AFF1: variants seen among roughly 807,000 people sequenced by gnomAD.
The protein encoded by AFF1 is AF4/FMR2 family member 1.
AFF1 carries 48 observed loss-of-function variants against 121.7 expected under a neutral mutation model. The observed-to-expected ratio is 0.39, with a 90% CI of 0.31 to 0.50. The LOEUF is 0.50. Among genes scored for constraint, AFF1 ranks in the 20% least tolerant of loss-of-function variants. AFF1 has a pLI of 0.76. For synonymous variants in AFF1, 613 were observed against 563.0 expected (o/e 1.09, Z -1.26); for missense variants, 1,523 against 1,511.7 (o/e 1.01, Z -0.12).
Position 87,114,961 on chromosome 4 carries a change from C to T in AFF1, c.2128C>T (p.Leu710Phe), listed in dbSNP as rs775118404. ...GGACAGGACCCCTGAGCACTTTGCT[C>T]TTGTTCCCCTGACTGAGAGCCAGGG... ...VEDRTPEHFA[L>F]VPLTESQGPP... is the part of the protein sequence containing the mutation. The change falls in exon 12 of 21, where the codon CTT (leucine) becomes TTT (phenylalanine). Residue 710 changes from leucine (L) to phenylalanine (F), a missense_variant. Leu to Phe is a conservative substitution (Grantham distance 22). Coordinates refer to ENST00000395146, the MANE Select transcript of AFF1 (RefSeq NM_001166693.3). The T allele has an allele frequency of 1.2e-6, 2 of 1,613,268 alleles. No individual in the cohort carries two copies. Among genetic ancestry groups the T allele is most frequent in the Admixed American group, 3.3e-5 (2 of 59,928 alleles).
chr4:87,046,324 TCA>T (rs1341337671), intron 3 of AFF1, 38 bp downstream of exon 3: 1 of 1,602,610 alleles, frequency 6.2e-7, no homozygotes, highest in African/African-American at 1.4e-5. Context: ...TCCTGATTTA[TCA>T]CAATGTTGAA....
chr4:86,991,834 C>CTTTTTTTTTTTTTTTTTTTTTTT (rs34804329), intron 2 of AFF1, among the ~76,000 whole-genome samples: 1 of 113,708 alleles, frequency 8.8e-6, no homozygotes, highest in Non-Finnish European at 1.9e-5. Context: ...CTTCAAATTG[C>CTTTTTTTTTTTTTTTTTTTTTTT]TTTTTTTTTT....
rs1728321164 is a variant in AFF1, at chr4:87,127,077, G to C, written c.2863G>C (p.Gly955Arg). The change falls in exon 15 of 21, where the codon GGT becomes CGT. Residue 955 changes from glycine (G) to arginine (R), a missense_variant. Physicochemically the swap from Gly to Arg is moderately radical, Grantham distance 125 (BLOSUM62 -2). Transcript: ENST00000395146. The stretch of plus-strand genomic sequence containing the variant: ...TTTTCCAGTGCCTTCTTTGCCAAAT[G>C]GTAACTCTAAACCAGGGAAGCCTCA... Reference protein sequence around the residue: ...NPFPVPSLPNGNSKPGKPQVK... With the variant: ...NPFPVPSLPNRNSKPGKPQVK... 3.1e-6 allele frequency: 5 copies of C among 1,613,320 alleles called. No individual in the cohort carries two copies. Among genetic ancestry groups the C allele is most frequent in the Non-Finnish European group, 1.7e-6 (2 of 1,179,784 alleles).
In AFF1 at chr4:87,135,650, C is replaced by A. The variant is rs995918420; in HGVS notation, c.3606C>A (p.His1202Gln). The A allele has an allele frequency of 6.2e-7, 1 of 1,612,924 alleles. No individual in the cohort carries two copies. The highest frequency in any genetic ancestry group is 8.5e-7 in the Non-Finnish European group (1 of 1,179,450). Residue 1202 changes from histidine (H) to glutamine (Q), a missense_variant, in exon 21 of 21, where the codon CAC (histidine) becomes CAA (glutamine). Physicochemically the swap from His to Gln is conservative, Grantham distance 24. Around this residue, in one of 5 missense-constraint regions of AFF1, gnomAD observed 241 missense variants for 265.2 expected, o/e 0.91. Transcript: ENST00000395146. ...ACAGCAGTTTGGTGGACCTGGTGCA[C>A]TATACACGACAGGGTTTTCAGCAGC... is the stretch of plus-strand genomic sequence containing the variant. ...ALNSSLVDLVHYTRQGFQQLQ... is the reference protein window; with the variant it reads ...ALNSSLVDLVQYTRQGFQQLQ...
At chr4:87,024,423 GAAGT>G (rs981288098) in intron 2 of AFF1, among the ~76,000 whole-genome samples, 1 of 152,174 alleles carries the variant, frequency 6.6e-6, no homozygotes, top group Non-Finnish European at 1.5e-5. Flanking sequence ...TAGCCTCTGG[GAAGT>G]AAGTGCCTTT....
At chr4:86,995,209 G>A (rs1399970090) in intron 2 of AFF1, among the ~76,000 whole-genome samples, 1 of 151,760 alleles carries the variant, frequency 6.6e-6, no homozygotes, top group Non-Finnish European at 1.5e-5. Context: ...CTTCAGCCTG[G>A]GCAACAGAAT....
chr4:86,956,268 T>A (rs1248309785), intron 2 of AFF1, among the ~76,000 whole-genome samples: 2 of 152,232 alleles, frequency 1.3e-5, no homozygotes, highest in Non-Finnish European at 2.9e-5. Flanking sequence ...TAGTTTAAGA[T>A]GAGTCACTCA....
intron 8 of AFF1, 60 bp downstream of exon 8, chr4:87,095,029 T>C: frequency 6.8e-7 from 1 of 1,469,248 alleles, no homozygotes; most frequent in African/African-American, 1.4e-5. Flanking sequence ...ATGTCTCATG[T>C]CAATGCATTG....
At chr4:86,939,704 T>C (rs188742333) in intron 1 of AFF1, among the ~76,000 whole-genome samples, 1 of 152,354 alleles carries the variant, frequency 6.6e-6, no homozygotes, top group East Asian at 1.9e-4. Flanking sequence ...TTCCTTCTTA[T>C]AGATACAGTG....
At chr4:87,126,939 T>G in intron 14 of AFF1, 87 bp from the exon 15 acceptor site, 1 of 1,130,554 alleles carries the variant, frequency 8.8e-7, no homozygotes, top group South Asian at 1.3e-5. Flanking sequence ...GAAACTACTA[T>G]TTCGGGCTAT....
At chr4:87,015,297 AGT>A (rs980800884) in intron 2 of AFF1, among the ~76,000 whole-genome samples, 2 of 152,198 alleles carry the variant, frequency 1.3e-5, no homozygotes, top group African/African-American at 2.4e-5. Context: ...CATTTAAAAA[AGT>A]GTGTAAAAAA....
intron 2 of AFF1, among the ~76,000 whole-genome samples, chr4:87,034,101 C>CG: frequency 6.6e-6 from 1 of 152,172 alleles, no homozygotes; most frequent in African/African-American, 2.4e-5. Flanking sequence ...CCTCTGGTGG[C>CG]GGGGACTGGC....
chr4:87,123,140 C>A (rs971311044), intron 12 of AFF1, among the ~76,000 whole-genome samples: 3 of 152,162 alleles, frequency 2.0e-5, no homozygotes, highest in Admixed American at 2.0e-4. Flanking sequence ...GTCATCCATC[C>A]ACCTTGGCCT....
At chr4:86,999,057 C>G (rs553694243) in intron 2 of AFF1, among the ~76,000 whole-genome samples, 9 of 152,332 alleles carry the variant, frequency 5.9e-5, no homozygotes, top group Non-Finnish European at 1.3e-4. Flanking sequence ...CTCAGGCTGT[C>G]TCTTTCTCTT....
rs60227626 is a variant in AFF1, at chr4:86,986,040, CAATTT to C, written c.38+37508_38+37512del. 6.5e-3 allele frequency among the ~76,000 whole-genome samples: 877 copies of C among 135,602 alleles called. 4 individuals are homozygous for C. Among genetic ancestry groups the C allele is most frequent in the African/African-American group, 0.015 (492 of 33,878 alleles). The allele number at this position is 135,602 out of a possible 152,430, so 89.0% of individuals were successfully genotyped here. On this transcript the variant is annotated intron_variant, in intron 2 of 20. Transcript: ENST00000395146. ...CCTTTTTTTAAAATTTAATTCAATT[CAATTT>C]AATTTAATTTAATTTAATTTAATTT...
At chr4:86,954,188 C>A (rs2149458985) in intron 2 of AFF1, among the ~76,000 whole-genome samples, 1 of 152,250 alleles carries the variant, frequency 6.6e-6, no homozygotes, top group East Asian at 1.9e-4. Context: ...AATCATATAG[C>A]ATATACTCCT....
intron 2 of AFF1, among the ~76,000 whole-genome samples, chr4:86,978,027 A>AGGTTTAATGAGAAATAAGCTATGATGT (rs1430336291): frequency 1.3e-5 from 2 of 152,094 alleles, no homozygotes; most frequent in Admixed American, 1.3e-4. Flanking sequence ...GGTTGCTGAT[A>AGGTTTAATGAGAAATAAGCTATGATGT]GGTTTAATGA....
Position 87,026,079 on chromosome 4 carries a change from T to G in AFF1, c.39-20087T>G, listed in dbSNP as rs960752933. ...GACCATGCTTTTTTTTTTTTTTTTT[T>G]GCGTGGTGGTGCATGCCTGTAAGGC... is the stretch of plus-strand genomic sequence containing the variant. On this transcript the variant is annotated intron_variant, in intron 2 of 20. Coordinates refer to ENST00000395146, the MANE Select transcript of AFF1 (RefSeq NM_001166693.3). 4.0e-5 allele frequency among the ~76,000 whole-genome samples: 6 copies of G among 150,302 alleles called. No individual in the cohort carries two copies. In the East Asian group the frequency reaches 5.9e-4, roughly 15 times the overall value.
rs1723645228 is a variant in AFF1, at chr4:86,980,419, C to A, written c.38+31848C>A. Among the ~76,000 whole-genome samples, 3 of 152,268 alleles carry A rather than the reference C, an allele frequency of 2.0e-5. No homozygotes were observed. In the South Asian group the frequency reaches 6.2e-4, roughly 32 times the overall value. On this transcript the variant is annotated intron_variant, in intron 2 of 20. Coordinates refer to ENST00000395146, the MANE Select transcript of AFF1 (RefSeq NM_001166693.3). ...AAGGTGGTAGTATAGTTTGAGGCCG[C>A]AGTGTGCTGTGATTATGCCAGATGG...
Sources: allele counts gnomAD v4.1 joint callset (sites outside exome capture counted in the v4.1 genomes callset), GRCh38; gene constraint gnomAD v4.1.1; regional missense constraint gnomAD v4.1.1; transcripts MANE v1.5; gene names NCBI Gene and HGNC (gene_info 2026-07-23, HGNC 2026-07-21).